LUC7L: variants seen among roughly 807,000 people sequenced by gnomAD.
LUC7L encodes LUC7 like, also known as putative RNA-binding protein Luc7-like 1.
LUC7L carries 29 observed loss-of-function variants against 51.1 expected under a neutral mutation model. That is an observed-to-expected ratio of 0.57 (90% CI 0.42 to 0.77). The LOEUF (loss-of-function observed/expected upper bound fraction) is 0.77. Ranked by LOEUF, LUC7L falls within the 30% of genes least tolerant of loss-of-function variation. LUC7L has a pLI of 0.00. For synonymous variants in LUC7L, 181 were observed against 180.7 expected (o/e 1.00, Z -0.01); for missense variants, 403 against 511.9 (o/e 0.79, Z 2.05).
chr16:229,079 G>C (rs1009252744), intron 1 of LUC7L, 200 bp downstream of exon 1: 3 of 1,413,594 alleles, frequency 2.1e-6, no homozygotes, highest in Non-Finnish European at 2.8e-6. Context: ...CGAGAGAGGA[G>C]CCCGACCTGG....
intron 6 of LUC7L, among the ~76,000 whole-genome samples, chr16:198,769 C>G (rs556381595): frequency 6.6e-5 from 10 of 152,014 alleles, no homozygotes; most frequent in Non-Finnish European, 1.3e-4. Flanking sequence ...TCACTGCAAC[C>G]TCTGCCTCCT....
At chr16:229,123 A>G (rs2050207105) in intron 1 of LUC7L, 156 bp downstream of exon 1, 19 of 1,408,726 alleles carry the variant, frequency 1.3e-5, no homozygotes, top group Non-Finnish European at 1.7e-5. Flanking sequence ...ACCGGCTTAG[A>G]CAAAGGCCCG....
In LUC7L at chr16:190,720, G is replaced by C. The variant is rs189814104; in HGVS notation, c.777-150C>G. ...CGTGGTGAAACCCCGTCTCTACTGA[G>C]AACACAAAACCTGGCCAGGCGTGGT... On this transcript the variant is annotated intron_variant, in intron 7 of 9. Transcript: ENST00000293872. The C allele has an allele frequency of 1.0e-5, 7 of 687,642 alleles. No homozygotes were observed. The South Asian group carries it at 1.2e-4, about 12-fold the overall frequency. The allele number at this position is 687,642 out of a possible 1,614,324, so 42.6% of individuals were successfully genotyped here.
intron 3 of LUC7L, among the ~76,000 whole-genome samples, chr16:218,124 T>TGGA (rs766879049): frequency 1.6e-4 from 24 of 146,404 alleles, no homozygotes; most frequent in Admixed American, 8.3e-4. Context: ...ACCCAGGAGG[T>TGGA]GGAGGTTACA....
chr16:199,187 G>A lies in LUC7L; in HGVS notation c.562C>T (p.Arg188Cys). The A allele has an allele frequency of 1.9e-6, 3 of 1,609,264 alleles. No homozygotes were observed. Among genetic ancestry groups the A allele is most frequent in the Non-Finnish European group, 2.6e-6 (3 of 1,176,046 alleles). ...TAGGCTGAACAGACCTCGCAGACAC[G>A]CAGCTTTTGCTGCTGAAAACTGGAT... is the stretch of plus-strand genomic sequence containing the variant. ...PASSFQQQKL[R>C]VCEVCSAYLG... is the part of the protein sequence containing the mutation. The change falls in exon 6 of 10, where the codon CGT becomes TGT. Residue 188 changes from arginine (R) to cysteine (C), a missense_variant. Arg to Cys is a radical substitution (Grantham distance 180). Coordinates refer to ENST00000293872, the MANE Select transcript of LUC7L (RefSeq NM_201412.3).
At chr16:223,126 G>A (rs927700781) in intron 2 of LUC7L, among the ~76,000 whole-genome samples, 3 of 151,174 alleles carry the variant, frequency 2.0e-5, no homozygotes, top group Non-Finnish European at 4.4e-5. Context: ...TTGGGAGGCC[G>A]AGGCGGGCGG....
chr16:228,212 G>A (rs2050177521), intron 1 of LUC7L: 1 of 1,291,190 alleles, frequency 7.7e-7, no homozygotes. Flanking sequence ...CAAGCATCCA[G>A]GATTAATGTA....
At chr16:191,818 C>A (rs961170354) in intron 7 of LUC7L, among the ~76,000 whole-genome samples, 28 of 152,216 alleles carry the variant, frequency 1.8e-4, no homozygotes, top group Non-Finnish European at 4.4e-5. Context: ...GCACTCCAGC[C>A]TGGTGACAGA....
intron 3 of LUC7L, chr16:208,925 G>C (rs891363849): frequency 6.6e-6 from 1 of 152,330 alleles, no homozygotes; most frequent in African/African-American, 2.4e-5. Context: ...ACCGGACGCA[G>C]TGGCTCACAC....
intron 3 of LUC7L, among the ~76,000 whole-genome samples, chr16:210,975 C>T (rs1404572187): frequency 1.3e-5 from 2 of 148,218 alleles, no homozygotes; most frequent in Admixed American, 6.8e-5. Flanking sequence ...GGCATGAACC[C>T]GGGAGGTAGA....
intron 1 of LUC7L, 81 bp downstream of exon 1, chr16:229,198 C>T (rs558712666): frequency 6.7e-6 from 10 of 1,500,220 alleles, no homozygotes; most frequent in Non-Finnish European, 8.8e-6. Flanking sequence ...CGCAGACGAT[C>T]GCGGCCCCCG....
chr16:194,138 C>G (rs1270103855), intron 6 of LUC7L, among the ~76,000 whole-genome samples: 3 of 151,404 alleles, frequency 2.0e-5, no homozygotes, highest in Non-Finnish European at 2.9e-5. Context: ...TTGCTCTGTC[C>G]ACCCAGGCTG....
At chr16:217,700 T>A (rs2049844578) in intron 3 of LUC7L, among the ~76,000 whole-genome samples, 2 of 141,256 alleles carry the variant, frequency 1.4e-5, no homozygotes, top group African/African-American at 2.7e-5. Flanking sequence ...AGAGTGAGAC[T>A]CTGTTTCAAA....
At chr16:192,054 C>T (rs2049024058) in intron 7 of LUC7L, among the ~76,000 whole-genome samples, 1 of 152,032 alleles carries the variant, frequency 6.6e-6, no homozygotes, top group East Asian at 1.9e-4. Flanking sequence ...TTCTACTTCC[C>T]ACCTCCTCCC....
At chr16:210,379 T>C (rs1402071508) in intron 3 of LUC7L, among the ~76,000 whole-genome samples, 1 of 152,222 alleles carries the variant, frequency 6.6e-6, no homozygotes, top group Non-Finnish European at 1.5e-5. Context: ...GGAAAACAAA[T>C]GATCCGGCAT....
chr16:193,911 C>G (rs564242188), intron 6 of LUC7L, among the ~76,000 whole-genome samples: 15 of 151,662 alleles, frequency 9.9e-5, no homozygotes, highest in African/African-American at 3.6e-4. Flanking sequence ...TCACGCCATT[C>G]TCCTGTCCTG....
chr16:206,869 G>C (rs1226099888), intron 4 of LUC7L, among the ~76,000 whole-genome samples: 2 of 144,340 alleles, frequency 1.4e-5, no homozygotes, highest in Admixed American at 7.2e-5. Flanking sequence ...GACCAGCTTG[G>C]GCAACAGACT....
chr16:206,768 A>G (rs1186297874), intron 4 of LUC7L, among the ~76,000 whole-genome samples: 2 of 151,988 alleles, frequency 1.3e-5, no homozygotes, highest in South Asian at 2.1e-4. Context: ...GTTTAAAACA[A>G]CATGCAGAGG....
At chr16:200,749 GCACGTGC>G (rs2049300420) in intron 5 of LUC7L, among the ~76,000 whole-genome samples, 1 of 152,054 alleles carries the variant, frequency 6.6e-6, no homozygotes, top group South Asian at 2.1e-4. Flanking sequence ...CGCTGTGGTG[GCACGTGC>G]CTATAGTCCC....
Sources: gnomAD v4.1 joint callset for allele counts (sites outside exome capture counted in the v4.1 genomes callset) on GRCh38, gnomAD v4.1.1 for gene constraint, MANE v1.5 for transcripts, NCBI Gene and HGNC (gene_info 2026-07-23, HGNC 2026-07-21) for gene names.